The following DYNC2I1 variants were observed in gnomAD, a reference collection of about 807,000 sequenced individuals.
The protein encoded by DYNC2I1 is cytoplasmic dynein 2 intermediate chain 1.
A neutral mutation model predicts 133.4 loss-of-function variants in DYNC2I1; 89 were observed. The observed-to-expected ratio is 0.67, with a 90% confidence interval of 0.56 to 0.80. DYNC2I1 has a LOEUF of 0.80. DYNC2I1 is among the 30% of genes least tolerant of loss of function. The pLI is 0.00. For synonymous variants in DYNC2I1, 504 were observed against 484.3 expected (o/e 1.04, Z -0.54); for missense variants, 1,291 against 1,314.5 (o/e 0.98, Z 0.28).
rs562173446 is a variant in DYNC2I1, at chr7:158,911,595, A to C, written c.1506A>C (p.Ser502=). 3.7e-6 allele frequency: 6 copies of C among 1,613,582 alleles called. No individual in the cohort carries two copies. In the African/African-American group the frequency reaches 6.7e-5, roughly 18 times the overall value. Residue 502 remains serine (S), a synonymous_variant, in exon 12 of 25, where the codon TCA becomes TCC. Coordinates refer to ENST00000407559, the MANE Select transcript of DYNC2I1 (RefSeq NM_018051.5). ...KLLRLIDLDF[S]FTFSLLDLPP... is the part of the protein sequence containing the mutation. ...TTCGGCTCATTGACTTAGATTTTTC[A>C]TTTACTTTCTCTCTCTTGGATCTAC...
At chr7:158,918,975 G>T in intron 15 of DYNC2I1, 106 bp downstream of exon 15, 2 of 1,272,700 alleles carry the variant, frequency 1.6e-6, no homozygotes, top group Non-Finnish European at 2.1e-6. Flanking sequence ...GGGGTTTAAT[G>T]TACATAAAAC....
chr7:158,898,973 G>T (rs899856818), intron 8 of DYNC2I1, among the ~76,000 whole-genome samples: 1 of 151,484 alleles, frequency 6.6e-6, no homozygotes, highest in Non-Finnish European at 1.5e-5. Flanking sequence ...TATCCTTGCT[G>T]TCATTCATTT....
At chr7:158,865,681 A>G (rs747681280) in intron 1 of DYNC2I1, among the ~76,000 whole-genome samples, 9 of 152,074 alleles carry the variant, frequency 5.9e-5, no homozygotes, top group Non-Finnish European at 1.0e-4. Context: ...CACTCCTGGG[A>G]GTGCTGGGGA....
At chr7:158,860,219 C>G (rs1351292717) in intron 1 of DYNC2I1, among the ~76,000 whole-genome samples, 1 of 152,020 alleles carries the variant, frequency 6.6e-6, no homozygotes, top group Admixed American at 6.6e-5. Flanking sequence ...CTATGCTGGG[C>G]TAATTTTTTT....
At chr7:158,879,563 C>A in intron 4 of DYNC2I1, 121 bp from the exon 5 acceptor site, 2 of 1,070,550 alleles carry the variant, frequency 1.9e-6, no homozygotes, top group Non-Finnish European at 2.6e-6. Context: ...ACACGATTTT[C>A]TTCAAATGTT....
chr7:158,877,215 T>A (rs574492580), intron 4 of DYNC2I1, among the ~76,000 whole-genome samples: 3 of 151,950 alleles, frequency 2.0e-5, no homozygotes, highest in South Asian at 4.2e-4. Context: ...GGTGTGTTGG[T>A]GCTCTCGAGG....
chr7:158,942,583 A>G (rs1368624619), intron 24 of DYNC2I1, among the ~76,000 whole-genome samples: 1 of 152,244 alleles, frequency 6.6e-6, no homozygotes, highest in Admixed American at 6.5e-5. Flanking sequence ...TTTCCCCATC[A>G]TTAGTGTTCT....
In DYNC2I1 at chr7:158,872,804, C is replaced by G. The variant is rs143667742; in HGVS notation, c.490+1242C>G. Among the ~76,000 whole-genome samples the G allele has an allele frequency of 2.3e-4, 35 of 152,136 alleles. 1 individual carries two copies. The East Asian group carries it at 6.8e-3, about 29-fold the overall frequency. The stretch of plus-strand genomic sequence containing the variant: ...TTGAGGCCAGGAGTTCAAGACCAGT[C>G]TGGCCAACATGGCGAAACCCCATCT... On this transcript the variant is annotated intron_variant, in intron 3 of 24. Transcript: ENST00000407559.
chr7:158,957,691 G>A (rs1289680184), downstream of DYNC2I1, among the ~76,000 whole-genome samples: 2 of 152,180 alleles, frequency 1.3e-5, no homozygotes, highest in Non-Finnish European at 2.9e-5. Context: ...TGCTGCAGAC[G>A]CCGAGGCCTG....
intron 1 of DYNC2I1, among the ~76,000 whole-genome samples, chr7:158,863,433 C>G (rs1350587091): frequency 6.6e-6 from 1 of 152,066 alleles, no homozygotes; most frequent in East Asian, 1.9e-4. Context: ...CTGGGCACCA[C>G]TGAACTCTAG....
intron 1 of DYNC2I1, among the ~76,000 whole-genome samples, chr7:158,861,457 G>T (rs965923420): frequency 6.6e-6 from 1 of 152,034 alleles, no homozygotes; most frequent in African/African-American, 2.4e-5. Flanking sequence ...TTCCCGTCCC[G>T]CCTGCAGTTA....
chr7:158,884,979 T>C (rs1420542762), intron 6 of DYNC2I1, among the ~76,000 whole-genome samples: 4 of 152,218 alleles, frequency 2.6e-5, no homozygotes, highest in Non-Finnish European at 5.9e-5. Flanking sequence ...GGGAGAATAA[T>C]TCACTTGGGA....
At chr7:158,923,885 A>G (rs1331690465) in intron 17 of DYNC2I1, among the ~76,000 whole-genome samples, 152 bp downstream of exon 17, 1 of 152,230 alleles carries the variant, frequency 6.6e-6, no homozygotes, top group Non-Finnish European at 1.5e-5. Flanking sequence ...GATAAATACA[A>G]AAAACAGAAA....
At chr7:158,885,832 A>G (rs984598937) in intron 6 of DYNC2I1, among the ~76,000 whole-genome samples, 1 of 152,186 alleles carries the variant, frequency 6.6e-6, no homozygotes, top group African/African-American at 2.4e-5. Flanking sequence ...TAGAAGGCAC[A>G]ATAAGACTTT....
rs2527188 is a variant in DYNC2I1 at position 158,926,102 on chromosome 7, A to G, written c.2258-85A>G. The G allele has an allele frequency of 0.53, 544,363 of 1,029,824 alleles. 148,194 individuals are homozygous for G. The highest frequency in any genetic ancestry group is 0.56 in the Non-Finnish European group (379,337 of 674,426). The allele number at this position is 1,029,824 out of a possible 1,614,324, so 63.8% of individuals were successfully genotyped here. ...AGTTGGATCTGTGAGACCCAGAAGC[A>G]CCTCGTGTTTGTCCCTGTGTGATGC... is the stretch of plus-strand genomic sequence containing the variant. On this transcript the variant is annotated intron_variant, in intron 17 of 24. Coordinates refer to ENST00000407559, the MANE Select transcript of DYNC2I1 (RefSeq NM_018051.5).
intron 1 of DYNC2I1, among the ~76,000 whole-genome samples, chr7:158,867,720 G>A (rs1030011810): frequency 1.2e-4 from 18 of 152,122 alleles, no homozygotes; most frequent in African/African-American, 4.3e-4. Flanking sequence ...CCCTTCTGAC[G>A]TGTGGGCTGG....
In DYNC2I1 at chr7:158,867,497, C is replaced by T. The variant is rs535918006; in HGVS notation, c.16-2358C>T. On this transcript the variant is annotated intron_variant, in intron 1 of 24. Transcript: ENST00000407559. ...ACCAGCGCGGATCTTGTAGGAATCACTATCGCGAGGGTTGCCAGGAGGCAG... is the reference window on the plus strand; with the variant it reads ...ACCAGCGCGGATCTTGTAGGAATCATTATCGCGAGGGTTGCCAGGAGGCAG... Among the ~76,000 whole-genome samples the T allele has an allele frequency of 3.9e-5, 6 of 152,318 alleles. No homozygotes were observed. The South Asian group carries it at 1.2e-3, about 32-fold the overall frequency.
chr7:158,901,897 C>T (rs1846294413), intron 9 of DYNC2I1, 81 bp downstream of exon 9: 1 of 1,071,108 alleles, frequency 9.3e-7, no homozygotes, highest in African/African-American at 1.6e-5. Flanking sequence ...AATTTGATGT[C>T]CTTTTTATTC....
At chr7:158,858,297 A>G (rs114233754) in intron 1 of DYNC2I1, among the ~76,000 whole-genome samples, 2,407 of 152,336 alleles carry the variant, frequency 0.016, 54 homozygotes, top group African/African-American at 0.055. Flanking sequence ...AATAAACACT[A>G]TAACATCATG....
Sources: gnomAD v4.1 joint callset for allele counts (sites outside exome capture counted in the v4.1 genomes callset) on GRCh38, gnomAD v4.1.1 for gene constraint, MANE v1.5 for transcripts, NCBI Gene and HGNC (gene_info 2026-07-23, HGNC 2026-07-21) for gene names.